The following PDCD1LG2 variants were observed in gnomAD, a reference collection of about 807,000 sequenced individuals.
PDCD1LG2 encodes B7 dendritic cell molecule.
In PDCD1LG2, 32 loss-of-function variants were observed where a neutral mutation model predicts 28.2. The ratio of observed to expected loss-of-function variants is 1.13; its 90% CI spans 0.86 to 1.52. PDCD1LG2 has a LOEUF of 1.52. PDCD1LG2 is among the 40% of genes most tolerant of loss of function. PDCD1LG2 has a pLI of 0.00. For synonymous variants in PDCD1LG2, 116 were observed against 120.2 expected (o/e 0.97, Z 0.23); for missense variants, 385 against 323.8 (o/e 1.19, Z -1.45).
chr9:5,535,615 C>A (rs1160511270), intron 3 of PDCD1LG2, among the ~76,000 whole-genome samples: 1 of 151,620 alleles, frequency 6.6e-6, no homozygotes, highest in Non-Finnish European at 1.5e-5. Flanking sequence ...TGTGTGTGTG[C>A]GTGTTGGGTC....
At chr9:5,556,929 A>G (rs1816454094) in intron 4 of PDCD1LG2, among the ~76,000 whole-genome samples, 2 of 152,146 alleles carry the variant, frequency 1.3e-5, no homozygotes, top group Non-Finnish European at 2.9e-5. Flanking sequence ...TCCACCCTCT[A>G]CTAAACTCAC....
intron 5 of PDCD1LG2, among the ~76,000 whole-genome samples, chr9:5,558,834 G>C (rs113957866): frequency 0.036 from 5,475 of 152,244 alleles, 324 homozygotes; most frequent in African/African-American, 0.13. Flanking sequence ...GAGGGAGAAA[G>C]AGAAAACAGG....
At chr9:5,535,690 C>T (rs1820567122) in intron 3 of PDCD1LG2, among the ~76,000 whole-genome samples, 1 of 151,930 alleles carries the variant, frequency 6.6e-6, no homozygotes, top group African/African-American at 2.4e-5. Flanking sequence ...AAACACTGCT[C>T]AAATGCAAGC....
chr9:5,563,275 A>T (rs1480486718), intron 6 of PDCD1LG2, 64 bp downstream of exon 6: 1 of 1,354,312 alleles, frequency 7.4e-7, no homozygotes, highest in East Asian at 2.3e-5. Context: ...TGAATTTTAA[A>T]GTAACCACTG....
intron 3 of PDCD1LG2, among the ~76,000 whole-genome samples, chr9:5,543,321 C>T (rs1207818160): frequency 2.0e-5 from 3 of 151,986 alleles, no homozygotes; most frequent in Admixed American, 6.6e-5. Context: ...GGGCAGATCA[C>T]GAGGTCAGGA....
intron 1 of PDCD1LG2, among the ~76,000 whole-genome samples, chr9:5,518,023 G>C (rs1291928995): frequency 1.3e-5 from 2 of 152,224 alleles, no homozygotes; most frequent in Non-Finnish European, 2.9e-5. Context: ...ATCCAGGAGG[G>C]AGAATTAACA....
chr9:5,522,854 C>A (rs1820303082), intron 2 of PDCD1LG2, among the ~76,000 whole-genome samples: 1 of 152,006 alleles, frequency 6.6e-6, no homozygotes, highest in South Asian at 2.1e-4. Context: ...AGGGTAATGA[C>A]AAGAAGACAG....
intron 4 of PDCD1LG2, among the ~76,000 whole-genome samples, chr9:5,549,818 G>C (rs966640763): frequency 6.6e-6 from 1 of 152,198 alleles, no homozygotes; most frequent in African/African-American, 2.4e-5. Context: ...AATCAGAAGG[G>C]AGCTGTAGGG....
chr9:5,529,715 TG>T (rs1313358855), intron 2 of PDCD1LG2, among the ~76,000 whole-genome samples: 2 of 152,154 alleles, frequency 1.3e-5, no homozygotes, highest in African/African-American at 4.8e-5. Context: ...ACAATGACCA[TG>T]GTGATGCCTG....
intron 2 of PDCD1LG2, among the ~76,000 whole-genome samples, chr9:5,530,957 A>G (rs1040966011): frequency 2.6e-5 from 4 of 152,220 alleles, no homozygotes; most frequent in African/African-American, 7.2e-5. Flanking sequence ...TGAGGACAAC[A>G]CTTTGAAGGC....
chr9:5,535,071 G>T, intron 3 of PDCD1LG2, 21 bp downstream of exon 3: 1 of 1,564,428 alleles, frequency 6.4e-7, no homozygotes, highest in Non-Finnish European at 8.7e-7. Flanking sequence ...TCAAGGACTA[G>T]AATCCATGGA....
intron 2 of PDCD1LG2, among the ~76,000 whole-genome samples, chr9:5,531,907 T>C (rs1450287565): frequency 6.6e-6 from 1 of 152,218 alleles, no homozygotes; most frequent in Non-Finnish European, 1.5e-5. Flanking sequence ...GATTACTACA[T>C]ATTTGATGAA....
At chr9:5,556,678 G>A (rs1453160543) in intron 4 of PDCD1LG2, among the ~76,000 whole-genome samples, 2 of 152,136 alleles carry the variant, frequency 1.3e-5, no homozygotes, top group Non-Finnish European at 2.9e-5. Context: ...AGCCCTTCCC[G>A]CTGAGCAGTT....
chr9:5,520,961 C>T (rs1489149374), intron 1 of PDCD1LG2, among the ~76,000 whole-genome samples: 19 of 152,074 alleles, frequency 1.2e-4, no homozygotes. Context: ...CAGAAACAAT[C>T]CAAATGACCA....
chr9:5,552,644 G>C (rs1241891137), intron 4 of PDCD1LG2, among the ~76,000 whole-genome samples: 1 of 152,140 alleles, frequency 6.6e-6, no homozygotes, highest in African/African-American at 2.4e-5. Flanking sequence ...GATGCTTTAT[G>C]CCAAATTAAA....
chr9:5,547,203 T>A (rs1179449372), intron 3 of PDCD1LG2, among the ~76,000 whole-genome samples: 1 of 152,252 alleles, frequency 6.6e-6, no homozygotes, highest in Admixed American at 6.5e-5. Context: ...GTGAAATTGT[T>A]TTTCACAAAG....
chr9:5,537,093 T>C (rs888544922), intron 3 of PDCD1LG2, among the ~76,000 whole-genome samples: 22 of 152,214 alleles, frequency 1.4e-4, no homozygotes, highest in African/African-American at 5.3e-4. Flanking sequence ...TTCAACAAAA[T>C]TGAAGGAGGC....
rs149001717 is a variant in PDCD1LG2 at position 5,557,427 on chromosome 9, G to C, written c.632-191G>C. On this transcript the variant is annotated intron_variant, in intron 4 of 6. Coordinates refer to ENST00000397747, the MANE Select transcript of PDCD1LG2 (RefSeq NM_025239.4). ...CACCAGTGAAATGGGGATCATAGCAGAGCCAACTTCACAGAGTGGTTGCGA... is the reference window on the plus strand; with the variant it reads ...CACCAGTGAAATGGGGATCATAGCACAGCCAACTTCACAGAGTGGTTGCGA... 9.5e-4 allele frequency among the ~76,000 whole-genome samples: 145 copies of C among 152,310 alleles called. 1 individual carries two copies. The highest frequency in any genetic ancestry group is 3.4e-3 in the African/African-American group (140 of 41,560).
Position 5,569,027 on chromosome 9 carries a change from C to G in PDCD1LG2, c.817-927C>G, listed in dbSNP as rs1262557806. ...GACACTAACAGGAAAGGCAGAGAGG[C>G]AGGAAGGTGTGGGAAAGTGCACGTG... On this transcript the variant is annotated intron_variant, in intron 6 of 6. Coordinates refer to ENST00000397747, the MANE Select transcript of PDCD1LG2 (RefSeq NM_025239.4). The surrounding 1 kb of genome is among the most constrained non-coding windows in gnomAD (Gnocchi z 4.1). Among the ~76,000 whole-genome samples, 1 of 152,084 alleles carries G rather than the reference C, an allele frequency of 6.6e-6. No homozygotes were observed. Among genetic ancestry groups the G allele is most frequent in the East Asian group, 1.9e-4 (1 of 5,196 alleles).
Sources: gnomAD v4.1 joint callset for allele counts (sites outside exome capture counted in the v4.1 genomes callset) on GRCh38, gnomAD v4.1.1 for gene constraint, Gnocchi (gnomAD v3.1) non-coding constraint, MANE v1.5 for transcripts, NCBI Gene and HGNC (gene_info 2026-07-23, HGNC 2026-07-21) for gene names.